The following NTM variants were observed in gnomAD, a reference collection of about 807,000 sequenced individuals.
The protein encoded by NTM is IgLON family member 2.
A neutral mutation model predicts 42.1 loss-of-function variants in NTM; 13 were observed. That is an observed-to-expected ratio of 0.31 (90% confidence interval 0.20 to 0.49). The LOEUF (loss-of-function observed/expected upper bound fraction) is 0.49. NTM is among the 20% of genes least tolerant of loss of function. The probability of loss-of-function intolerance (pLI) is 0.99; values close to 1 mark genes in which losing one functional copy is unlikely to be tolerated. For missense variants in NTM, 373 were observed against 452.8 expected, an observed-to-expected ratio of 0.82 and a Z score of 1.60; for synonymous variants, 187 against 179.2, an observed-to-expected ratio of 1.04 and a Z score of -0.35.
At chr11:131,436,335 G>T (rs1470695839) in intron 1 of NTM, among the ~76,000 whole-genome samples, 10 of 152,124 alleles carry the variant, frequency 6.6e-5, no homozygotes, top group Non-Finnish European at 1.5e-4. Context: ...TTTCTACTGA[G>T]TGGAATAGTT....
intron 1 of NTM, among the ~76,000 whole-genome samples, chr11:131,873,682 C>CAT (rs532613959): frequency 9.1e-6 from 1 of 110,318 alleles, no homozygotes; most frequent in Non-Finnish European, 2.0e-5. Flanking sequence ...TATATACACA[C>CAT]ATATATATAC....
chr11:131,660,512 C>T lies in NTM; in HGVS notation c.83-251052C>T, dbSNP rs552204979. On this transcript the variant is annotated intron_variant, in intron 1 of 8. Transcript: ENST00000683400. ...CTCCCTCCTCCCGAGAGGCACCAGC[C>T]GGCACTGACCCTGGGTCCCATCTCT... 33 of 457,466 alleles carry T rather than the reference C, an allele frequency of 7.2e-5. No homozygotes were observed. In the East Asian group the frequency reaches 1.5e-3, roughly 21 times the overall value. The allele number at this position is 457,466 out of a possible 1,614,324, so 28.3% of individuals were successfully genotyped here. A position where few individuals can be genotyped will look rare whatever the true frequency, so the allele number is the denominator to read the frequency against.
At chr11:131,520,042 C>A (rs894352215) in intron 1 of NTM, among the ~76,000 whole-genome samples, 2 of 152,052 alleles carry the variant, frequency 1.3e-5, no homozygotes, top group African/African-American at 2.4e-5. Context: ...GAGGCTGCAC[C>A]TTTAGTTTTA....
intron 4 of NTM, among the ~76,000 whole-genome samples, chr11:132,227,948 C>A (rs2086660956): frequency 6.6e-6 from 1 of 152,142 alleles, no homozygotes; most frequent in South Asian, 2.1e-4. Flanking sequence ...AGGACCAAGG[C>A]AGAAGTTCTC....
intron 1 of NTM, among the ~76,000 whole-genome samples, chr11:131,729,145 GT>G (rs1230028600): frequency 5.3e-5 from 8 of 151,996 alleles, no homozygotes; most frequent in Non-Finnish European, 1.0e-4. Flanking sequence ...TCTGTCCTGA[GT>G]TTTTTTTATC....
At position 132,005,468 on chromosome 11, in the gene NTM, C is replaced by A. The variant is rs555997658; in HGVS notation, c.167+93820C>A. ...GTGGCAGACAGATAGATAGTAGGAC[C>A]CTAGTTAAATGGTTTGGAATAAATG... On this transcript the variant is annotated intron_variant, in intron 2 of 8. Coordinates refer to ENST00000683400, the MANE Select transcript of NTM (RefSeq NM_001352005.2). 9.9e-5 allele frequency among the ~76,000 whole-genome samples: 15 copies of A among 152,012 alleles called. No homozygotes were observed. In the East Asian group the frequency reaches 2.9e-3, roughly 29 times the overall value.
intron 2 of NTM, among the ~76,000 whole-genome samples, chr11:131,929,243 G>C (rs1172262723): frequency 1.3e-5 from 2 of 152,196 alleles, no homozygotes; most frequent in African/African-American, 4.8e-5. Context: ...ATGAGGGCGT[G>C]AGCCTGCCCA....
At chr11:132,306,135 G>A (rs747421160) in intron 4 of NTM, among the ~76,000 whole-genome samples, 1 of 152,232 alleles carries the variant, frequency 6.6e-6, no homozygotes, top group African/African-American at 2.4e-5. Context: ...GAACAAGGCA[G>A]TGGCCCTTGT....
At chr11:131,426,644 G>T (rs550437443) in intron 1 of NTM, among the ~76,000 whole-genome samples, 1 of 152,136 alleles carries the variant, frequency 6.6e-6, no homozygotes, top group Admixed American at 6.5e-5. Flanking sequence ...AGGACCCAAA[G>T]GCCAGAGACC....
intron 1 of NTM, among the ~76,000 whole-genome samples, chr11:131,654,087 T>C (rs1167897659): frequency 2.6e-5 from 4 of 152,126 alleles, no homozygotes; most frequent in Non-Finnish European, 5.9e-5. Flanking sequence ...CTGTAACCGG[T>C]GATGGTGGGA....
chr11:131,849,011 C>T (rs1325484443), intron 1 of NTM, among the ~76,000 whole-genome samples: 4 of 152,126 alleles, frequency 2.6e-5, no homozygotes, highest in Non-Finnish European at 5.9e-5. Context: ...GTTTTCTGAA[C>T]TATAAAATAG....
intron 1 of NTM, among the ~76,000 whole-genome samples, chr11:131,580,486 G>A (rs1382480311): frequency 6.6e-6 from 1 of 152,028 alleles, no homozygotes; most frequent in Non-Finnish European, 1.5e-5. Context: ...CTGTGAGGGA[G>A]AGAGAGAGAG....
intron 1 of NTM, among the ~76,000 whole-genome samples, chr11:131,637,647 CT>C (rs1314230584): frequency 1.3e-5 from 2 of 151,808 alleles, no homozygotes; most frequent in Non-Finnish European, 2.9e-5. Context: ...TAGTAATTAT[CT>C]GCTCATCTCT....
intron 1 of NTM, among the ~76,000 whole-genome samples, chr11:131,850,943 G>A (rs934389542): frequency 6.6e-6 from 1 of 152,160 alleles, no homozygotes; most frequent in Non-Finnish European, 1.5e-5. Context: ...GAGATGTCCT[G>A]TTTTCCCACC....
At chr11:132,125,493 G>T (rs919257147) in intron 2 of NTM, among the ~76,000 whole-genome samples, 1 of 84,028 alleles carries the variant, frequency 1.2e-5, no homozygotes, top group Admixed American at 1.2e-4. Context: ...TCTGTGATGC[G>T]TGTGTGGTGT....
intron 2 of NTM, among the ~76,000 whole-genome samples, chr11:131,965,323 T>C (rs2062694767): frequency 6.6e-6 from 1 of 151,994 alleles, no homozygotes; most frequent in Admixed American, 6.6e-5. Flanking sequence ...CACCAGGGAC[T>C]CAACGTCTCC....
intron 1 of NTM, among the ~76,000 whole-genome samples, chr11:131,826,521 G>A (rs1485205781): frequency 6.6e-6 from 1 of 150,804 alleles, no homozygotes; most frequent in Non-Finnish European, 1.5e-5. Flanking sequence ...TAGATAGACA[G>A]GCTTGGACAG....
intron 1 of NTM, among the ~76,000 whole-genome samples, chr11:131,631,987 T>C (rs1175194909): frequency 6.6e-6 from 1 of 152,180 alleles, no homozygotes; most frequent in African/African-American, 2.4e-5. Flanking sequence ...TTTTACTTTA[T>C]CCTCAATGCT....
rs76765224 is a variant in NTM at position 132,077,583 on chromosome 11, A to C, written c.168-68699A>C. ...TTTCCACAAGAGGAAGTGGAGACTC[A>C]GAGAGACTAAGTGTCTTCTCAAAGC... On this transcript the variant is annotated intron_variant, in intron 2 of 8. Transcript: ENST00000683400. Among the ~76,000 whole-genome samples the C allele has an allele frequency of 7.6e-3, 1,164 of 152,320 alleles. 13 individuals are homozygous for C. The highest frequency in any genetic ancestry group is 0.026 in the African/African-American group (1,072 of 41,564).
Sources: gnomAD v4.1 joint callset for allele counts (sites outside exome capture counted in the v4.1 genomes callset) on GRCh38, gnomAD v4.1.1 for gene constraint, MANE v1.5 for transcripts, NCBI Gene and HGNC (gene_info 2026-07-23, HGNC 2026-07-21) for gene names.